FHOD3: variants seen among roughly 807,000 people sequenced by gnomAD.
FHOD3 encodes the protein formin homology 2 domain containing 3, also known as FH1/FH2 domain-containing protein 3.
A neutral mutation model predicts 173.0 loss-of-function variants in FHOD3; 90 were observed. The observed-to-expected ratio is 0.52, with a 90% CI of 0.44 to 0.62. The LOEUF (loss-of-function observed/expected upper bound fraction) is 0.62. FHOD3 is among the 20% of genes least tolerant of loss of function. FHOD3 has a pLI of 0.00. For synonymous variants in FHOD3, 828 were observed against 823.0 expected, an observed-to-expected ratio of 1.01 and a Z score of -0.10; for missense variants, 1,945 against 2,034.7, an observed-to-expected ratio of 0.96 and a Z score of 0.85.
Position 36,398,471 on chromosome 18 carries a change from AC to A in FHOD3, c.337+25729del, listed in dbSNP as rs2048655261. ...TGCTGGATCATGTTGTAATTCTATA[AC>A]CACTGTTTTTTTCAGAAAGAAAATG... is the stretch of plus-strand genomic sequence containing the variant. On this transcript the variant is annotated intron_variant, in intron 3 of 28. Coordinates refer to ENST00000590592, the MANE Select transcript of FHOD3 (RefSeq NM_001281740.3). Among the ~76,000 whole-genome samples, 4 of 152,136 alleles carry A rather than the reference AC, an allele frequency of 2.6e-5. No individual in the cohort carries two copies. The South Asian group carries it at 8.3e-4, about 32-fold the overall frequency.
rs372866411 is a variant in FHOD3 at position 36,431,764 on chromosome 18, CT to C, written c.337+59023del. On this transcript the variant is annotated intron_variant, in intron 3 of 28. Coordinates refer to ENST00000590592, the MANE Select transcript of FHOD3 (RefSeq NM_001281740.3). Reference sequence around the variant, plus strand: ...AAAAGGAAACTGTGATATGACCATCCTTTAAGTGGGAAGGCCCAAGGAAGTT... The same window carrying C: ...AAAAGGAAACTGTGATATGACCATCCTTAAGTGGGAAGGCCCAAGGAAGTT... Among the ~76,000 whole-genome samples the C allele has an allele frequency of 2.6e-3, 402 of 152,270 alleles. 2 individuals are homozygous for C. Among genetic ancestry groups the C allele is most frequent in the African/African-American group, 9.3e-3 (385 of 41,550 alleles).
At chr18:36,412,534 G>A (rs946827747) in intron 3 of FHOD3, among the ~76,000 whole-genome samples, 9 of 152,236 alleles carry the variant, frequency 5.9e-5, no homozygotes, top group African/African-American at 1.9e-4. Context: ...CATGTGTCTT[G>A]GAAAGATATT....
At chr18:36,437,778 C>T (rs1039270129) in intron 3 of FHOD3, among the ~76,000 whole-genome samples, 2 of 151,106 alleles carry the variant, frequency 1.3e-5, no homozygotes, top group Non-Finnish European at 2.9e-5. Context: ...ATTCTCCTGC[C>T]TCAGCCTCCT....
At chr18:36,687,421 A>T (rs2038695040) in intron 16 of FHOD3, among the ~76,000 whole-genome samples, 1 of 152,206 alleles carries the variant, frequency 6.6e-6, no homozygotes, top group Admixed American at 6.5e-5. Context: ...ATGTTAGCAT[A>T]ATGACATAGG....
At chr18:36,374,801 TA>T (rs1375392659) in intron 3 of FHOD3, among the ~76,000 whole-genome samples, 1 of 152,214 alleles carries the variant, frequency 6.6e-6, no homozygotes, top group Non-Finnish European at 1.5e-5. Context: ...TTTGCCACAA[TA>T]GCTGCGAGTT....
chr18:36,708,111 C>T (rs1301454226), intron 17 of FHOD3, among the ~76,000 whole-genome samples: 3 of 152,116 alleles, frequency 2.0e-5, no homozygotes, highest in African/African-American at 7.2e-5. Flanking sequence ...AAAGCATAAG[C>T]CAGATTGTGC....
In FHOD3 at chr18:36,404,834, G is replaced by A. The variant is rs557821088; in HGVS notation, c.337+32090G>A. On this transcript the variant is annotated intron_variant, in intron 3 of 28. Transcript: ENST00000590592. ...GTGACTATGAGTGCTTTTAGCTTTC[G>A]TCGCTAGAATTTTTTTTCAGTCCTT... Among the ~76,000 whole-genome samples the A allele has an allele frequency of 1.5e-4, 23 of 152,214 alleles. No individual in the cohort carries two copies. The East Asian group carries it at 2.9e-3, about 19-fold the overall frequency.
chr18:36,572,020 T>A (rs1234778070), intron 5 of FHOD3, among the ~76,000 whole-genome samples: 1 of 152,194 alleles, frequency 6.6e-6, no homozygotes, highest in Non-Finnish European at 1.5e-5. Context: ...TTGAGAGTTG[T>A]TCAGCGTGTG....
chr18:36,403,790 G>A (rs1408129285), intron 3 of FHOD3, among the ~76,000 whole-genome samples: 1 of 152,198 alleles, frequency 6.6e-6, no homozygotes, highest in Non-Finnish European at 1.5e-5. Flanking sequence ...AAAAAGAACT[G>A]GTGCCTGGAC....
At chr18:36,411,196 A>G (rs1304244800) in intron 3 of FHOD3, among the ~76,000 whole-genome samples, 1 of 152,170 alleles carries the variant, frequency 6.6e-6, no homozygotes, top group African/African-American at 2.4e-5. Flanking sequence ...TAGGGGTCCA[A>G]TTTAATTTTT....
chr18:36,761,059 C>T (rs1337918916), intron 27 of FHOD3, among the ~76,000 whole-genome samples: 5 of 152,216 alleles, frequency 3.3e-5, no homozygotes, highest in Admixed American at 6.5e-5. Flanking sequence ...AGACTGCAAC[C>T]TGCAAGCCAA....
chr18:36,540,222 C>A (rs2057153456), intron 5 of FHOD3, among the ~76,000 whole-genome samples: 1 of 152,202 alleles, frequency 6.6e-6, no homozygotes, highest in South Asian at 2.1e-4. Flanking sequence ...CGTGTCAAAG[C>A]AGTGATGTCT....
chr18:36,401,092 C>T (rs2048788598), intron 3 of FHOD3, among the ~76,000 whole-genome samples: 1 of 152,130 alleles, frequency 6.6e-6, no homozygotes, highest in African/African-American at 2.4e-5. Flanking sequence ...TTTTGCAGGA[C>T]GTGATGCATG....
intron 5 of FHOD3, among the ~76,000 whole-genome samples, chr18:36,536,972 T>C (rs2057020362): frequency 6.6e-6 from 1 of 152,234 alleles, no homozygotes; most frequent in Non-Finnish European, 1.5e-5. Context: ...CAGTAGAGCT[T>C]GATGCAGATG....
At chr18:36,367,180 G>A (rs545717338) in intron 2 of FHOD3, among the ~76,000 whole-genome samples, 23 of 152,346 alleles carry the variant, frequency 1.5e-4, no homozygotes, top group Non-Finnish European at 2.8e-4. Context: ...TGTATTCTGA[G>A]AAGGCAGGAT....
chr18:36,462,413 G>A (rs145016598), intron 3 of FHOD3, among the ~76,000 whole-genome samples: 5,242 of 152,010 alleles, frequency 0.034, 282 homozygotes, highest in African/African-American at 0.12. Context: ...CTCACTGCAA[G>A]CTCTGCCTCC....
At position 36,362,963 on chromosome 18, in the gene FHOD3, G is replaced by A. The variant is rs898497937; in HGVS notation, c.272+7318G>A. 2.6e-5 allele frequency among the ~76,000 whole-genome samples: 4 copies of A among 152,186 alleles called. No homozygotes were observed. In the East Asian group the frequency reaches 5.8e-4, roughly 22 times the overall value. Reference sequence around the variant, plus strand: ...TTAAAATTTAATAAGAAAACAACCTGATTAAAAAATGGGCAAAAGATCTGA... The same window carrying A: ...TTAAAATTTAATAAGAAAACAACCTAATTAAAAAATGGGCAAAAGATCTGA... On this transcript the variant is annotated intron_variant, in intron 2 of 28. Coordinates refer to ENST00000590592, the MANE Select transcript of FHOD3 (RefSeq NM_001281740.3).
chr18:36,534,430 A>C (rs2056910029), intron 5 of FHOD3, among the ~76,000 whole-genome samples: 2 of 152,136 alleles, frequency 1.3e-5, no homozygotes, highest in Non-Finnish European at 2.9e-5. Flanking sequence ...CTGGTCCCCA[A>C]CAAGGCTGAC....
chr18:36,405,054 G>T (rs1372674904), intron 3 of FHOD3, among the ~76,000 whole-genome samples: 1 of 152,224 alleles, frequency 6.6e-6, no homozygotes, highest in African/African-American at 2.4e-5. Context: ...GCTAAGGCAA[G>T]CCCCAGTGCC....
Sources: gnomAD v4.1 joint callset for allele counts (sites outside exome capture counted in the v4.1 genomes callset) on GRCh38, gnomAD v4.1.1 for gene constraint, MANE v1.5 for transcripts, NCBI Gene and HGNC (gene_info 2026-07-23, HGNC 2026-07-21) for gene names.